INPP4B: variants seen among roughly 807,000 people sequenced by gnomAD.
INPP4B encodes inositol polyphosphate 4-phosphatase type II.
INPP4B carries 55 observed loss-of-function variants against 122.5 expected under a neutral mutation model. The observed-to-expected ratio is 0.45, with a 90% confidence interval of 0.36 to 0.56. The LOEUF (loss-of-function observed/expected upper bound fraction) is 0.56, where lower values mean the gene tolerates loss of function less well. Among genes scored for constraint, INPP4B ranks in the 20% least tolerant of loss-of-function variants. The probability of loss-of-function intolerance (pLI) is 0.00; values close to 1 mark genes in which losing one functional copy is unlikely to be tolerated. For synonymous variants in INPP4B, 403 were observed against 388.7 expected (o/e 1.04, Z -0.43); for missense variants, 1,000 against 1,097.7 (o/e 0.91, Z 1.26).
At chr4:142,362,271 T>C (rs1433898891) in intron 7 of INPP4B, among the ~76,000 whole-genome samples, 2 of 152,064 alleles carry the variant, frequency 1.3e-5, no homozygotes, top group African/African-American at 4.8e-5. Flanking sequence ...AAATATATCA[T>C]GTCTTTTGTT....
rs547456212 is a variant in INPP4B, at chr4:142,544,932, C to A, written c.-190-82206G>T. ...AGTAATGGGGAAAAAATTTCTCTTA[C>A]GAAAATATATTTTATATAGACACTG... On this transcript the variant is annotated intron_variant, in intron 2 of 25. Transcript: ENST00000262992. Among the ~76,000 whole-genome samples the A allele has an allele frequency of 4.3e-4, 66 of 152,070 alleles. 2 individuals carry two copies. The South Asian group carries it at 0.014, about 31-fold the overall frequency.
At chr4:142,342,395 C>T (rs1482942423) in intron 7 of INPP4B, among the ~76,000 whole-genome samples, 4 of 152,004 alleles carry the variant, frequency 2.6e-5, no homozygotes, top group Non-Finnish European at 4.4e-5. Context: ...TAATTTTTGG[C>T]CCAGTCCTAA....
chr4:142,754,592 A>T (rs566711302), intron 1 of INPP4B, among the ~76,000 whole-genome samples: 92 of 152,122 alleles, frequency 6.0e-4, no homozygotes, highest in African/African-American at 1.4e-3. Flanking sequence ...AAATCAAAAA[A>T]TTTTTTTAAA....
At chr4:142,540,751 G>T (rs1254558170) in intron 2 of INPP4B, among the ~76,000 whole-genome samples, 1 of 152,048 alleles carries the variant, frequency 6.6e-6, no homozygotes, top group Non-Finnish European at 1.5e-5. Flanking sequence ...GTGTGTATGT[G>T]TGTGTGAGAG....
intron 12 of INPP4B, among the ~76,000 whole-genome samples, chr4:142,226,582 T>C (rs927379527): frequency 2.6e-5 from 4 of 152,200 alleles, no homozygotes; most frequent in African/African-American, 9.6e-5. Context: ...AGAAAACTCC[T>C]ACTGTAAATA....
chr4:142,330,225 T>C (rs547505383), intron 7 of INPP4B, among the ~76,000 whole-genome samples: 3 of 152,250 alleles, frequency 2.0e-5, no homozygotes, highest in Admixed American at 6.5e-5. Flanking sequence ...GAATACAAAA[T>C]AGAAGAGCCC....
chr4:142,820,442 G>T (rs536118304), intron 1 of INPP4B, among the ~76,000 whole-genome samples: 66 of 152,176 alleles, frequency 4.3e-4, no homozygotes, highest in African/African-American at 7.2e-4. Flanking sequence ...CTTCTGCCAT[G>T]AGTGGAAACA....
intron 7 of INPP4B, among the ~76,000 whole-genome samples, chr4:142,332,409 A>T (rs747568865): frequency 6.6e-6 from 1 of 152,168 alleles, no homozygotes; most frequent in African/African-American, 2.4e-5. Flanking sequence ...TCATGAAAAC[A>T]GCAATGGGAT....
intron 2 of INPP4B, among the ~76,000 whole-genome samples, chr4:142,680,773 A>G (rs1041748316): frequency 3.3e-5 from 5 of 151,860 alleles, no homozygotes; most frequent in Non-Finnish European, 7.4e-5. Flanking sequence ...CTGTCTCCCA[A>G]GCATCTCATT....
chr4:142,177,419 A>G (rs1828832584), intron 15 of INPP4B, among the ~76,000 whole-genome samples: 1 of 152,160 alleles, frequency 6.6e-6, no homozygotes, highest in African/African-American at 2.4e-5. Context: ...TAAAAACAAC[A>G]TAACTAAACT....
At chr4:142,659,364 C>A (rs747702588) in intron 2 of INPP4B, among the ~76,000 whole-genome samples, 77 of 151,884 alleles carry the variant, frequency 5.1e-4, no homozygotes, top group Middle Eastern at 6.8e-3. Flanking sequence ...CAAGATCACG[C>A]CACTGCACTC....
intron 1 of INPP4B, among the ~76,000 whole-genome samples, chr4:142,837,340 AG>A (rs1278601862): frequency 6.6e-6 from 1 of 152,162 alleles, no homozygotes; most frequent in East Asian, 1.9e-4. Flanking sequence ...AAATTTAGGG[AG>A]TACAAATACA....
chr4:142,175,085 G>A (rs1827489198), intron 15 of INPP4B, among the ~76,000 whole-genome samples: 3 of 152,056 alleles, frequency 2.0e-5, no homozygotes, highest in African/African-American at 4.8e-5. Context: ...GGGAAGTAAT[G>A]GCTCATGCAT....
intron 7 of INPP4B, among the ~76,000 whole-genome samples, chr4:142,392,786 G>A (rs1196450569): frequency 6.6e-6 from 1 of 152,196 alleles, no homozygotes; most frequent in Admixed American, 6.6e-5. Flanking sequence ...TATCTGGGCA[G>A]CTGCTGACAA....
At chr4:142,294,354 T>C (rs1757659634) in intron 9 of INPP4B, among the ~76,000 whole-genome samples, 1 of 151,970 alleles carries the variant, frequency 6.6e-6, no homozygotes, top group South Asian at 2.1e-4. Flanking sequence ...GGAAAGACAG[T>C]CATTGGTCAC....
At chr4:142,537,451 G>GAGAGAGAGAGAGAA (rs1828398666) in intron 2 of INPP4B, among the ~76,000 whole-genome samples, 1 of 116,040 alleles carries the variant, frequency 8.6e-6, no homozygotes, top group Non-Finnish European at 1.8e-5. Flanking sequence ...GAGAGAGAGA[G>GAGAGAGAGAGAGAA]AGAGAGAGAG....
At chr4:142,043,910 G>A (rs1749745873) in intron 25 of INPP4B, among the ~76,000 whole-genome samples, 2 of 152,094 alleles carry the variant, frequency 1.3e-5, no homozygotes, top group South Asian at 2.1e-4. Flanking sequence ...TGAGGGACAA[G>A]AGTTGAATAA....
intron 2 of INPP4B, among the ~76,000 whole-genome samples, chr4:142,493,600 A>T (rs1381324810): frequency 6.6e-6 from 1 of 152,184 alleles, no homozygotes; most frequent in African/African-American, 2.4e-5. Context: ...TCAGACTTGC[A>T]TGAAGCCTGT....
intron 12 of INPP4B, among the ~76,000 whole-genome samples, chr4:142,235,647 G>T (rs971099454): frequency 6.6e-6 from 1 of 152,078 alleles, no homozygotes; most frequent in Non-Finnish European, 1.5e-5. Context: ...GGATGGTCTC[G>T]ATCTCCTGAC....
Sources: gnomAD v4.1 joint callset for allele counts (sites outside exome capture counted in the v4.1 genomes callset) on GRCh38, gnomAD v4.1.1 for gene constraint, MANE v1.5 for transcripts, NCBI Gene and HGNC (gene_info 2026-07-23, HGNC 2026-07-21) for gene names.